OSBPL8: variants seen among roughly 807,000 people sequenced by gnomAD.
OSBPL8 encodes the protein oxysterol binding protein like 8.
Under a neutral mutation model 125.5 loss-of-function variants are expected in OSBPL8, and 59 were observed. The observed-to-expected ratio is 0.47, with a 90% CI of 0.38 to 0.58. The LOEUF is 0.58. Among genes scored for constraint, OSBPL8 ranks in the 20% least tolerant of loss-of-function variants. OSBPL8 has a pLI of 0.00. For missense variants in OSBPL8, 758 were observed against 1,047.8 expected, an observed-to-expected ratio of 0.72 and a Z score of 3.82; for synonymous variants, 330 against 338.9, an observed-to-expected ratio of 0.97 and a Z score of 0.29.
intron 4 of OSBPL8, among the ~76,000 whole-genome samples, chr12:76,424,793 T>C (rs141996331): frequency 6.6e-6 from 1 of 152,218 alleles, no homozygotes; most frequent in African/African-American, 2.4e-5. Context: ...AACAAATGCG[T>C]TCCCTCCTAA....
At chr12:76,426,438 A>G (rs1364720295) in intron 4 of OSBPL8, among the ~76,000 whole-genome samples, 4 of 152,198 alleles carry the variant, frequency 2.6e-5, no homozygotes, top group African/African-American at 7.2e-5. Flanking sequence ...GTTTAAAGAA[A>G]TAACCATAAA....
intron 1 of OSBPL8, among the ~76,000 whole-genome samples, chr12:76,538,990 T>C (rs1375237196): frequency 7.8e-6 from 1 of 128,492 alleles, no homozygotes; most frequent in Non-Finnish European, 1.6e-5. Context: ...AGGATGAAGT[T>C]CAAAATTGAA....
chr12:76,354,403 CCAAT>C lies in OSBPL8; in HGVS notation c.*1482_*1485del, dbSNP rs1293658573. ...TTATCATTTTGATTCTCATAATTTA[CCAAT>C]CAATGTATTTATTTACCAATCTTGT... On this transcript the variant is annotated 3_prime_UTR_variant, in exon 24 of 24. Transcript: ENST00000261183. 6.6e-6 allele frequency: 1 copy of C among 151,742 alleles called. No homozygotes were observed. The highest frequency in any genetic ancestry group is 1.5e-5 in the Non-Finnish European group (1 of 67,772). 9.4% of individuals were successfully genotyped at this position (151,742 alleles called of 1,614,324 possible).
intron 4 of OSBPL8, 34 bp downstream of exon 4, chr12:76,450,817 A>AACAAG: frequency 1.9e-6 from 3 of 1,560,948 alleles, no homozygotes; most frequent in Middle Eastern, 3.4e-4. Flanking sequence ...CAAAAACAAA[A>AACAAG]ACAAGACAAA....
At chr12:76,520,554 G>A (rs145460960) in intron 1 of OSBPL8, among the ~76,000 whole-genome samples, 3 of 152,278 alleles carry the variant, frequency 2.0e-5, no homozygotes, top group South Asian at 2.1e-4. Context: ...TGATGTTTAA[G>A]TTGAGACCTA....
intron 21 of OSBPL8, among the ~76,000 whole-genome samples, chr12:76,364,812 T>C (rs962589476): frequency 1.3e-5 from 2 of 152,180 alleles, no homozygotes; most frequent in African/African-American, 4.8e-5. Context: ...AGAGTCCTCT[T>C]TATACTTCTT....
chr12:76,540,481 T>C (rs1950609042), intron 1 of OSBPL8, among the ~76,000 whole-genome samples: 1 of 139,758 alleles, frequency 7.2e-6, no homozygotes, highest in South Asian at 2.3e-4. Context: ...AAAAAAATTA[T>C]ATAGTCGTGT....
chr12:76,521,785 G>A (rs1479876897), intron 1 of OSBPL8, among the ~76,000 whole-genome samples: 9 of 152,140 alleles, frequency 5.9e-5, no homozygotes, highest in African/African-American at 2.2e-4. Flanking sequence ...GATCGCCAGG[G>A]GACAGGGGGA....
At chr12:76,373,487 A>AG in intron 17 of OSBPL8, 54 bp from the exon 18 acceptor site, 1 of 1,333,146 alleles carries the variant, frequency 7.5e-7, no homozygotes, top group Non-Finnish European at 1.0e-6. Flanking sequence ...TTTACATATA[A>AG]TGTAAAACCA....
chr12:76,378,915 G>A (rs567765722), intron 15 of OSBPL8, among the ~76,000 whole-genome samples: 45 of 151,950 alleles, frequency 3.0e-4, no homozygotes, highest in African/African-American at 1.0e-3. Context: ...GATTACAGGC[G>A]TGCACCACCA....
Position 76,397,822 on chromosome 12 carries a change from G to C in OSBPL8, c.544C>G (p.Gln182Glu). Reference protein sequence around the residue: ...KPGVLLIYKTQKNGQWVGTVL... With the variant: ...KPGVLLIYKTEKNGQWVGTVL... ...GTTCCTACCCACTGACCATTTTTTTGGGTTTTATAGATCAGTAGCACCCCA... is the reference window on the plus strand; with the variant it reads ...GTTCCTACCCACTGACCATTTTTTTCGGTTTTATAGATCAGTAGCACCCCA... Residue 182 changes from glutamine to glutamate, a missense_variant, in exon 8 of 24, where the codon CAA becomes GAA. By Grantham distance (29) the Gln-to-Glu change is conservative. This residue lies in a region of OSBPL8 where 69 missense variants were observed against 148.7 expected (regional missense o/e 0.46). Coordinates refer to ENST00000261183, the MANE Select transcript of OSBPL8 (RefSeq NM_020841.5). 6.2e-7 allele frequency: 1 copy of C among 1,613,892 alleles called. No homozygotes were observed. Among genetic ancestry groups the C allele is most frequent in the Non-Finnish European group, 8.5e-7 (1 of 1,179,938 alleles).
intron 2 of OSBPL8, among the ~76,000 whole-genome samples, chr12:76,481,122 C>G (rs982964835): frequency 2.6e-5 from 4 of 152,178 alleles, no homozygotes; most frequent in African/African-American, 9.7e-5. Context: ...AAAATGGATT[C>G]TTCCCTCAGA....
chr12:76,392,452 A>C (rs1953603303), intron 10 of OSBPL8, 129 bp downstream of exon 10: 4 of 752,994 alleles, frequency 5.3e-6, no homozygotes, highest in African/African-American at 1.7e-5. Flanking sequence ...GCCGGTTCCT[A>C]GGCCATATAA....
intron 21 of OSBPL8, among the ~76,000 whole-genome samples, chr12:76,361,776 A>G (rs1283185041): frequency 7.9e-5 from 12 of 152,322 alleles, no homozygotes; most frequent in Admixed American, 6.5e-4. Flanking sequence ...CTTATTCACT[A>G]CCATGAGAAC....
chr12:76,457,678 A>G (rs1384751617), intron 3 of OSBPL8, among the ~76,000 whole-genome samples: 1 of 152,188 alleles, frequency 6.6e-6, no homozygotes, highest in Non-Finnish European at 1.5e-5. Context: ...AGAGTACATG[A>G]TAAAGTCATC....
rs1324464047 is a variant in OSBPL8, at chr12:76,410,606, A to C, written c.246T>G (p.Ser82=). 6.2e-7 allele frequency: 1 copy of C among 1,607,280 alleles called. No homozygotes were observed. The highest frequency in any genetic ancestry group is 8.5e-7 in the Non-Finnish European group (1 of 1,174,874). ...AAAGTGAAGATTCATCTTTATTTTG[A>C]GAAATATCTTCCTTCCCTCTTTCAA... is the stretch of plus-strand genomic sequence containing the variant. ...QGFERGKEDI[S]QNKDESSLSM... is the part of the protein sequence containing the mutation. Residue 82 remains serine (S), a synonymous_variant, in exon 5 of 24, where the codon TCT becomes TCG. Transcript: ENST00000261183.
At chr12:76,525,078 AGGG>A (rs746404371) in intron 1 of OSBPL8, among the ~76,000 whole-genome samples, 1 of 152,160 alleles carries the variant, frequency 6.6e-6, no homozygotes, top group African/African-American at 2.4e-5. Flanking sequence ...CAAACTGCAA[AGGG>A]GGGTAAAAAC....
At chr12:76,442,539 A>G (rs1872308173) in intron 4 of OSBPL8, among the ~76,000 whole-genome samples, 1 of 152,156 alleles carries the variant, frequency 6.6e-6, no homozygotes, top group Non-Finnish European at 1.5e-5. Context: ...ATAATCTGTA[A>G]TTATACTATT....
chr12:76,410,963 C>A (rs1013882879), intron 4 of OSBPL8, among the ~76,000 whole-genome samples: 3 of 152,134 alleles, frequency 2.0e-5, no homozygotes, highest in African/African-American at 7.2e-5. Context: ...GGAACCAACT[C>A]AACATACTTT....
Sources: gnomAD v4.1 joint callset for allele counts (sites outside exome capture counted in the v4.1 genomes callset) on GRCh38, gnomAD v4.1.1 for gene constraint, gnomAD v4.1.1 regional missense constraint, MANE v1.5 for transcripts, NCBI Gene and HGNC (gene_info 2026-07-23, HGNC 2026-07-21) for gene names.